TRPM3: variants seen among roughly 807,000 people sequenced by gnomAD.
TRPM3 encodes long transient receptor potential channel 3.
A neutral mutation model predicts 181.2 loss-of-function variants in TRPM3; 77 were observed. That is an observed-to-expected ratio of 0.42 (90% confidence interval 0.35 to 0.51). The LOEUF is 0.51. TRPM3 is among the 20% of genes least tolerant of loss of function. The pLI, the probability that TRPM3 is intolerant of heterozygous loss-of-function variation, is 0.01. For missense variants in TRPM3, 1,759 were observed against 2,196.7 expected (o/e 0.80, Z 3.98); for synonymous variants, 745 against 796.4 (o/e 0.94, Z 1.09).
chr9:71,361,348 T>C (rs2092135688), intron 1 of TRPM3, among the ~76,000 whole-genome samples: 2 of 152,104 alleles, frequency 1.3e-5, no homozygotes, highest in Non-Finnish European at 2.9e-5. Context: ...TGAGAGACCA[T>C]AGCGTAAGAA....
At chr9:70,696,159 G>A (rs979567307) in intron 8 of TRPM3, among the ~76,000 whole-genome samples, 7 of 152,174 alleles carry the variant, frequency 4.6e-5, no homozygotes, top group African/African-American at 1.7e-4. Context: ...TATGGCTGGC[G>A]CATTTTGGGC....
At chr9:70,557,719 CT>C (rs1564314662) in intron 22 of TRPM3, among the ~76,000 whole-genome samples, 1 of 152,226 alleles carries the variant, frequency 6.6e-6, no homozygotes, top group East Asian at 1.9e-4. Flanking sequence ...GTGACTTCCC[CT>C]GGGCCTCCTC....
chr9:71,335,507 T>C (rs141470509), intron 1 of TRPM3, among the ~76,000 whole-genome samples: 1,749 of 152,200 alleles, frequency 0.011, 19 homozygotes, highest in Middle Eastern at 0.048. Flanking sequence ...TACTGAACAC[T>C]TTAAACTTGA....
chr9:71,178,795 T>C (rs1268784173), intron 1 of TRPM3, among the ~76,000 whole-genome samples: 1 of 152,052 alleles, frequency 6.6e-6, no homozygotes, highest in Non-Finnish European at 1.5e-5. Flanking sequence ...ACAGGATCCT[T>C]ATCTATTTCA....
intron 1 of TRPM3, among the ~76,000 whole-genome samples, chr9:71,262,541 T>C (rs144839474): frequency 1.4e-4 from 21 of 152,240 alleles, no homozygotes; most frequent in African/African-American, 4.8e-4. Context: ...ATCTCACTGG[T>C]ATTCCAGGTG....
chr9:70,990,812 C>A (rs1192268831), intron 1 of TRPM3, among the ~76,000 whole-genome samples: 1 of 152,134 alleles, frequency 6.6e-6, no homozygotes, highest in African/African-American at 2.4e-5. Flanking sequence ...TTGCCATGTT[C>A]CAAATGGGCT....
chr9:70,690,253 G>A (rs952457929), intron 8 of TRPM3, among the ~76,000 whole-genome samples: 2 of 152,098 alleles, frequency 1.3e-5, no homozygotes, highest in Non-Finnish European at 2.9e-5. Flanking sequence ...ACATGTCTGA[G>A]AATTTTAGAA....
At chr9:70,927,980 A>G (rs2096738032) in intron 1 of TRPM3, among the ~76,000 whole-genome samples, 1 of 152,112 alleles carries the variant, frequency 6.6e-6, no homozygotes, top group African/African-American at 2.4e-5. Context: ...CAATAAATAT[A>G]CTGCTTGGAA....
intron 1 of TRPM3, among the ~76,000 whole-genome samples, chr9:70,960,706 C>T (rs929308702): frequency 1.9e-4 from 29 of 152,282 alleles, no homozygotes; most frequent in African/African-American, 6.5e-4. Context: ...CACGTGGGTA[C>T]TTTCTCGTTC....
intron 1 of TRPM3, among the ~76,000 whole-genome samples, chr9:71,208,737 G>C (rs2079285669): frequency 1.3e-5 from 2 of 152,100 alleles, no homozygotes; most frequent in South Asian, 4.1e-4. Flanking sequence ...GGCCAAAATA[G>C]CATCTCTAAA....
chr9:71,387,575 T>C (rs1361476614), intron 1 of TRPM3, among the ~76,000 whole-genome samples: 2 of 152,208 alleles, frequency 1.3e-5, no homozygotes, highest in African/African-American at 4.8e-5. Flanking sequence ...TAATTAAATA[T>C]TTGTTGTTGG....
At chr9:71,369,599 G>A (rs987828730) in intron 1 of TRPM3, among the ~76,000 whole-genome samples, 1 of 152,170 alleles carries the variant, frequency 6.6e-6, no homozygotes, top group African/African-American at 2.4e-5. Flanking sequence ...CGCCTCCCAG[G>A]TTCAAGCGAT....
At chr9:71,175,533 G>C (rs925487938) in intron 1 of TRPM3, among the ~76,000 whole-genome samples, 12 of 152,192 alleles carry the variant, frequency 7.9e-5, no homozygotes, top group African/African-American at 2.9e-4. Context: ...AGGCAGGCTA[G>C]AGTGATGACT....
At chr9:71,080,091 A>G (rs915856953) in intron 1 of TRPM3, among the ~76,000 whole-genome samples, 1 of 151,642 alleles carries the variant, frequency 6.6e-6, no homozygotes, top group Non-Finnish European at 1.5e-5. Context: ...AATCGCTTGA[A>G]CCCGGGAGGC....
chr9:71,152,399 C>G (rs924414448), intron 1 of TRPM3, among the ~76,000 whole-genome samples: 2 of 152,094 alleles, frequency 1.3e-5, no homozygotes, highest in East Asian at 3.9e-4. Context: ...ATGACTAAAT[C>G]ACCATGATTA....
At chr9:70,746,300 T>C (rs2134962208) in intron 8 of TRPM3, among the ~76,000 whole-genome samples, 1 of 152,218 alleles carries the variant, frequency 6.6e-6, no homozygotes, top group African/African-American at 2.4e-5. Flanking sequence ...AGATGAAACT[T>C]ATTTAAAAAT....
At chr9:70,599,152 T>A (rs2059467823) in intron 20 of TRPM3, among the ~76,000 whole-genome samples, 1 of 152,178 alleles carries the variant, frequency 6.6e-6, no homozygotes, top group Admixed American at 6.5e-5. Flanking sequence ...CTCCCTATTC[T>A]AAGCTCCATC....
At chr9:71,041,809 A>G (rs2058856953) in intron 1 of TRPM3, among the ~76,000 whole-genome samples, 2 of 152,032 alleles carry the variant, frequency 1.3e-5, no homozygotes, top group Admixed American at 1.3e-4. Context: ...GATTTAGCCA[A>G]TCTAATCCCC....
chr9:71,296,713 G>A (rs1428970205), intron 1 of TRPM3, among the ~76,000 whole-genome samples: 1 of 152,080 alleles, frequency 6.6e-6, no homozygotes, highest in East Asian at 1.9e-4. Context: ...AAAGGACTAT[G>A]GGAAACGACG....
Sources: gnomAD v4.1 joint callset for allele counts (sites outside exome capture counted in the v4.1 genomes callset) on GRCh38, gnomAD v4.1.1 for gene constraint, MANE v1.5 for transcripts, NCBI Gene and HGNC (gene_info 2026-07-23, HGNC 2026-07-21) for gene names.